Variants in VCAN observed in about 807,000 individuals in gnomAD.
VCAN encodes versican core protein.
Under a neutral mutation model 245.5 loss-of-function variants are expected in VCAN, and 44 were observed. The observed-to-expected ratio is 0.18, with a 90% CI of 0.14 to 0.23. The LOEUF is 0.23. Ranked by LOEUF, VCAN falls within the 10% of genes least tolerant of loss-of-function variation. The pLI is 1.00. For missense variants in VCAN, 3,793 were observed against 4,057.9 expected (o/e 0.93, Z 1.77); for synonymous variants, 1,413 against 1,437.0 (o/e 0.98, Z 0.38).
intron 12 of VCAN, among the ~76,000 whole-genome samples, chr5:83,569,088 T>A (rs2112494826): frequency 6.6e-6 from 1 of 152,360 alleles, no homozygotes; most frequent in African/African-American, 2.4e-5. Flanking sequence ...TCATAATTTA[T>A]TGAACATATG....
In VCAN at chr5:83,520,868, T is replaced by A. The variant is rs1253141247; in HGVS notation, c.2562T>A (p.Phe854Leu). The change falls in exon 7 of 15, where the codon TTT becomes TTA. Residue 854 changes from phenylalanine (F) to leucine (L), a missense_variant. Phe to Leu is a conservative substitution (Grantham distance 22). Coordinates refer to ENST00000265077, the MANE Select transcript of VCAN (RefSeq NM_004385.5). Reference protein sequence around the residue: ...PSFTEDGADEFTLIPDSTQKQ... With the variant: ...PSFTEDGADELTLIPDSTQKQ... Reference sequence around the variant, plus strand: ...TCACTGAAGATGGAGCAGATGAATTTACTCTTATTCCAGATAGTACTCAAA... The same window carrying A: ...TCACTGAAGATGGAGCAGATGAATTAACTCTTATTCCAGATAGTACTCAAA... The A allele has an allele frequency of 6.2e-7, 1 of 1,614,180 alleles. No individual in the cohort carries two copies. The highest frequency in any genetic ancestry group is 1.1e-5 in the South Asian group (1 of 91,088).
Position 83,498,025 on chromosome 5 carries a change from C to G in VCAN, c.748+4094C>G, listed in dbSNP as rs973074904. On this transcript the variant is annotated intron_variant, in intron 5 of 14. Coordinates refer to ENST00000265077, the MANE Select transcript of VCAN (RefSeq NM_004385.5). The stretch of plus-strand genomic sequence containing the variant: ...AATGGTTGGTTCAGGAGCTTCTCTC[C>G]CCTGTGACATAGGCCTATCCTCTTA... Among the ~76,000 whole-genome samples, 6 of 152,220 alleles carry G rather than the reference C, an allele frequency of 3.9e-5. No individual in the cohort carries two copies. The South Asian group carries it at 8.3e-4, about 21-fold the overall frequency.
At chr5:83,542,975 A>G (rs1747061679) in intron 8 of VCAN, among the ~76,000 whole-genome samples, 1 of 152,176 alleles carries the variant, frequency 6.6e-6, no homozygotes, top group Admixed American at 6.5e-5. Context: ...AGGCTATAAA[A>G]GCCCTGTGTG....
chr5:83,544,173 G>A (rs1747110048), intron 8 of VCAN, among the ~76,000 whole-genome samples: 2 of 152,266 alleles, frequency 1.3e-5, no homozygotes, highest in Non-Finnish European at 2.9e-5. Flanking sequence ...CATCCTGGCA[G>A]CGAGCGTACT....
At chr5:83,492,949 T>C (rs1745029010) in intron 3 of VCAN, among the ~76,000 whole-genome samples, 1 of 152,232 alleles carries the variant, frequency 6.6e-6, no homozygotes, top group African/African-American at 2.4e-5. Context: ...AGAAACTGAC[T>C]TGTATAAAAG....
At chr5:83,498,526 G>A (rs1413335836) in intron 5 of VCAN, among the ~76,000 whole-genome samples, 1 of 152,058 alleles carries the variant, frequency 6.6e-6, no homozygotes, top group African/African-American at 2.4e-5. Context: ...TATACTATCT[G>A]CTTCCTGATT....
chr5:83,569,624 G>T (rs1032914711), intron 12 of VCAN, among the ~76,000 whole-genome samples: 1 of 152,096 alleles, frequency 6.6e-6, no homozygotes, highest in African/African-American at 2.4e-5. Context: ...GGACAGTGTA[G>T]GTAGGGACAA....
chr5:83,541,284 T>G lies in VCAN; in HGVS notation c.8281T>G (p.Phe2761Val). The G allele has an allele frequency of 6.2e-7, 1 of 1,614,022 alleles. No individual in the cohort carries two copies. The highest frequency in any genetic ancestry group is 8.5e-7 in the Non-Finnish European group (1 of 1,179,984). Residue 2761 changes from phenylalanine to valine, a missense_variant, in exon 8 of 15, where the codon TTT (phenylalanine) becomes GTT (valine). Transcript: ENST00000265077. ...AGACAAAAAACATGCTGGTCCTTCT[T>G]TTCAGCCAGAATTCTCTTCAGGAGC... ...YEDKKHAGPSFQPEFSSGAEE... is the reference protein window; with the variant it reads ...YEDKKHAGPSVQPEFSSGAEE...
chr5:83,525,562 A>C (rs1341734416), intron 7 of VCAN, among the ~76,000 whole-genome samples: 2 of 152,216 alleles, frequency 1.3e-5, no homozygotes, highest in African/African-American at 4.8e-5. Flanking sequence ...AAATGCTCTT[A>C]GTTATAACCT....
intron 7 of VCAN, 145 bp from the exon 8 acceptor site, chr5:83,536,862 C>T: frequency 1.6e-6 from 1 of 618,772 alleles, no homozygotes; most frequent in Non-Finnish European, 2.7e-6. Context: ...GACTGAGAAC[C>T]ATATAAGAGG....
At chr5:83,550,431 G>T (rs190180989) in intron 10 of VCAN, among the ~76,000 whole-genome samples, 1 of 152,062 alleles carries the variant, frequency 6.6e-6, no homozygotes, top group African/African-American at 2.4e-5. Flanking sequence ...ATCCACAAAG[G>T]TTGCCTTTTA....
At chr5:83,517,097 A>G (rs1038785342) in intron 6 of VCAN, among the ~76,000 whole-genome samples, 2 of 152,230 alleles carry the variant, frequency 1.3e-5, no homozygotes, top group African/African-American at 4.8e-5. Context: ...CAGATTCTCT[A>G]GGACATATTG....
intron 6 of VCAN, among the ~76,000 whole-genome samples, chr5:83,514,779 T>C (rs1269734017): frequency 6.6e-6 from 1 of 152,104 alleles, no homozygotes; most frequent in Non-Finnish European, 1.5e-5. Flanking sequence ...TTTTAAAGAA[T>C]TTGAAAAATA....
chr5:83,472,346 G>A (rs368215514), intron 1 of VCAN, among the ~76,000 whole-genome samples: 33 of 152,282 alleles, frequency 2.2e-4, no homozygotes, highest in African/African-American at 7.5e-4. Flanking sequence ...AAAGTGGTGG[G>A]TTCTTGAGCT....
intron 12 of VCAN, among the ~76,000 whole-genome samples, chr5:83,566,000 G>C (rs1006828359): frequency 2.1e-4 from 30 of 146,114 alleles, no homozygotes; most frequent in Non-Finnish European, 1.5e-5. Context: ...TCTCACTCTT[G>C]TTGCCCAGGC....
chr5:83,527,433 C>A (rs1362480854), intron 7 of VCAN, among the ~76,000 whole-genome samples: 1 of 152,138 alleles, frequency 6.6e-6, no homozygotes, highest in East Asian at 1.9e-4. Context: ...AATGGCTTCC[C>A]CCATCTCTCA....
chr5:83,515,433 A>T (rs1412604702), intron 6 of VCAN, among the ~76,000 whole-genome samples: 5 of 152,128 alleles, frequency 3.3e-5, no homozygotes, highest in Non-Finnish European at 7.4e-5. Context: ...CTCTCAGATA[A>T]TTTTTCTAAT....
chr5:83,515,899 G>C (rs182890220), intron 6 of VCAN, among the ~76,000 whole-genome samples: 2 of 152,222 alleles, frequency 1.3e-5, no homozygotes, highest in Admixed American at 1.3e-4. Context: ...TATTGAATTT[G>C]AATTTGTTAG....
intron 5 of VCAN, among the ~76,000 whole-genome samples, chr5:83,509,506 A>G (rs1745587616): frequency 6.6e-6 from 1 of 152,240 alleles, no homozygotes; most frequent in Non-Finnish European, 1.5e-5. Context: ...ATAGACTAAC[A>G]GTGCAGTTGG....
Sources: gnomAD v4.1 joint callset for allele counts (sites outside exome capture counted in the v4.1 genomes callset) on GRCh38, gnomAD v4.1.1 for gene constraint, MANE v1.5 for transcripts, NCBI Gene and HGNC (gene_info 2026-07-23, HGNC 2026-07-21) for gene names.